Variants in ATG5 observed in about 807,000 individuals in gnomAD.
ATG5 encodes autophagy protein 5.
Under a neutral mutation model 36.5 loss-of-function variants are expected in ATG5, and 14 were observed. That is an observed-to-expected ratio of 0.38 (90% CI 0.25 to 0.60). ATG5 has a LOEUF of 0.60. Ranked by LOEUF, ATG5 falls within the 20% of genes least tolerant of loss-of-function variation. The pLI is 0.60. For synonymous variants in ATG5, 95 were observed against 101.5 expected, an observed-to-expected ratio of 0.94 and a Z score of 0.38; for missense variants, 195 against 326.7, an observed-to-expected ratio of 0.60 and a Z score of 3.11.
chr6:106,250,297 T>C (rs1216172713), intron 5 of ATG5, among the ~76,000 whole-genome samples: 1 of 152,210 alleles, frequency 6.6e-6, no homozygotes, highest in African/African-American at 2.4e-5. Context: ...TAAAAGACTG[T>C]GACAGGCTTT....
chr6:106,286,935 C>T (rs1780103644), intron 4 of ATG5, among the ~76,000 whole-genome samples: 1 of 152,220 alleles, frequency 6.6e-6, no homozygotes, highest in African/African-American at 2.4e-5. Context: ...ACCCTGATGG[C>T]ACCCTCATAA....
At chr6:106,206,359 C>T (rs1390823530) in intron 6 of ATG5, among the ~76,000 whole-genome samples, 3 of 152,156 alleles carry the variant, frequency 2.0e-5, no homozygotes, top group Non-Finnish European at 4.4e-5. Context: ...GACTTCCCAG[C>T]CTCCAGAACT....
At chr6:106,190,506 T>G (rs149816715) in intron 7 of ATG5, among the ~76,000 whole-genome samples, 236 of 152,362 alleles carry the variant, frequency 1.5e-3, no homozygotes, top group African/African-American at 5.5e-3. Context: ...ATATTGCATT[T>G]AATTTTTATG....
chr6:106,216,590 T>C (rs1243726120), intron 6 of ATG5, among the ~76,000 whole-genome samples: 1 of 152,176 alleles, frequency 6.6e-6, no homozygotes, highest in Admixed American at 6.6e-5. Context: ...GGGAATGATA[T>C]AAGTGACTGC....
intron 6 of ATG5, among the ~76,000 whole-genome samples, chr6:106,214,713 GT>G (rs1562215690): frequency 6.6e-6 from 1 of 152,132 alleles, no homozygotes; most frequent in Non-Finnish European, 1.5e-5. Context: ...GCAACACTTT[GT>G]TTCCTCTTCG....
chr6:106,319,211 TCTA>T (rs2114686455), intron 1 of ATG5, among the ~76,000 whole-genome samples: 1 of 152,344 alleles, frequency 6.6e-6, no homozygotes, highest in African/African-American at 2.4e-5. Context: ...ATAAAGGTTA[TCTA>T]CTATTATAAT....
intron 6 of ATG5, among the ~76,000 whole-genome samples, chr6:106,215,379 G>C (rs997623789): frequency 1.3e-5 from 2 of 152,088 alleles, no homozygotes; most frequent in Non-Finnish European, 2.9e-5. Flanking sequence ...AATGGTCTAT[G>C]GGTTCTGTGG....
At chr6:106,200,622 C>A (rs1776389683) in intron 7 of ATG5, among the ~76,000 whole-genome samples, 1 of 151,986 alleles carries the variant, frequency 6.6e-6, no homozygotes, top group African/African-American at 2.4e-5. Flanking sequence ...CTACAGGCGC[C>A]CCGCCACCAC....
intron 6 of ATG5, among the ~76,000 whole-genome samples, chr6:106,229,019 T>C (rs1201019731): frequency 2.6e-5 from 4 of 152,254 alleles, no homozygotes; most frequent in Non-Finnish European, 4.4e-5. Flanking sequence ...CAGTCGCCCA[T>C]GCGTGCGCTC....
chr6:106,254,740 C>A (rs1040618140), intron 5 of ATG5, among the ~76,000 whole-genome samples: 5 of 152,190 alleles, frequency 3.3e-5, no homozygotes, highest in Non-Finnish European at 7.3e-5. Flanking sequence ...AGGCACTGAG[C>A]TTCTAGATTC....
intron 4 of ATG5, among the ~76,000 whole-genome samples, chr6:106,281,113 C>T (rs1258203035): frequency 6.6e-6 from 1 of 152,076 alleles, no homozygotes; most frequent in African/African-American, 2.4e-5. Context: ...AAAGAAGCTC[C>T]TGAGTGACTA....
chr6:106,266,302 G>A (rs1779227242), intron 5 of ATG5, among the ~76,000 whole-genome samples: 1 of 152,158 alleles, frequency 6.6e-6, no homozygotes, highest in African/African-American at 2.4e-5. Flanking sequence ...ACCAGAAGAA[G>A]TTGAATCCCT....
intron 2 of ATG5, among the ~76,000 whole-genome samples, chr6:106,314,818 A>C (rs1770779328): frequency 6.6e-6 from 1 of 152,192 alleles, no homozygotes; most frequent in Non-Finnish European, 1.5e-5. Flanking sequence ...AACTATGACC[A>C]TACTTGGTTT....
chr6:106,236,564 T>C (rs1479104696), intron 6 of ATG5, among the ~76,000 whole-genome samples: 2 of 152,224 alleles, frequency 1.3e-5, no homozygotes, highest in African/African-American at 4.8e-5. Flanking sequence ...TATCTCACTG[T>C]TATTTTCATT....
intron 4 of ATG5, chr6:106,283,736 T>A (rs552181752): frequency 1.3e-5 from 2 of 152,312 alleles, no homozygotes; most frequent in African/African-American, 4.8e-5. Context: ...TTTATAGACT[T>A]CACCAATGAA....
At chr6:106,266,239 C>T (rs1427204632) in intron 5 of ATG5, among the ~76,000 whole-genome samples, 2 of 152,122 alleles carry the variant, frequency 1.3e-5, no homozygotes, top group African/African-American at 4.8e-5. Context: ...ATAAACTAGA[C>T]ATTCTAGAAG....
chr6:106,253,774 T>C (rs1778690882), intron 5 of ATG5, among the ~76,000 whole-genome samples: 2 of 152,314 alleles, frequency 1.3e-5, no homozygotes, highest in South Asian at 4.1e-4. Context: ...TAATGCTTTA[T>C]GATGCACATT....
At chr6:106,263,241 C>T (rs532189894) in intron 5 of ATG5, among the ~76,000 whole-genome samples, 2 of 152,292 alleles carry the variant, frequency 1.3e-5, no homozygotes, top group South Asian at 2.1e-4. Flanking sequence ...CTGGACTGAG[C>T]GGAATTCACC....
intron 5 of ATG5, among the ~76,000 whole-genome samples, chr6:106,259,156 C>A (rs1778915675): frequency 6.6e-6 from 1 of 152,060 alleles, no homozygotes; most frequent in Non-Finnish European, 1.5e-5. Flanking sequence ...TAATTCACTG[C>A]AAAACAAGTT....
Sources: gnomAD v4.1 joint callset for allele counts (sites outside exome capture counted in the v4.1 genomes callset) on GRCh38, gnomAD v4.1.1 for gene constraint, MANE v1.5 for transcripts, NCBI Gene and HGNC (gene_info 2026-07-23, HGNC 2026-07-21) for gene names.